SEMA6A: variants seen among roughly 807,000 people sequenced by gnomAD.
SEMA6A encodes the protein semaphorin 6A, also known as semaphorin-6A.
Under a neutral mutation model 96.8 loss-of-function variants are expected in SEMA6A, and 25 were observed. That is an observed-to-expected ratio of 0.26 (90% CI 0.19 to 0.36). SEMA6A has a LOEUF of 0.36. Ranked by LOEUF, SEMA6A falls within the 10% of genes least tolerant of loss-of-function variation. The pLI is 1.00. For synonymous variants in SEMA6A, 612 were observed against 518.0 expected (o/e 1.18, Z -2.46); for missense variants, 1,363 against 1,323.1 (o/e 1.03, Z -0.47).
intron 1 of SEMA6A, among the ~76,000 whole-genome samples, chr5:116,555,240 T>G (rs1760563832): frequency 6.6e-6 from 1 of 152,240 alleles, no homozygotes; most frequent in African/African-American, 2.4e-5. Context: ...AACTCTTGTT[T>G]GCTTGAGAGC....
chr5:116,503,085 C>G (rs1757967554), intron 2 of SEMA6A, among the ~76,000 whole-genome samples: 1 of 152,076 alleles, frequency 6.6e-6, no homozygotes, highest in Non-Finnish European at 1.5e-5. Flanking sequence ...GAGATCTGGC[C>G]TTTAAAAATA....
intron 18 of SEMA6A, among the ~76,000 whole-genome samples, chr5:116,452,473 T>G (rs1182457577): frequency 6.6e-6 from 1 of 150,794 alleles, no homozygotes; most frequent in Non-Finnish European, 1.5e-5. Context: ...GAGGGAGACC[T>G]CAGAGAGGAA....
chr5:116,506,167 C>T (rs1758136444), intron 1 of SEMA6A, among the ~76,000 whole-genome samples: 2 of 152,210 alleles, frequency 1.3e-5, no homozygotes, highest in African/African-American at 4.8e-5. Context: ...TTTGGAACAC[C>T]ATTTTGATTA....
At chr5:116,510,235 C>G (rs911777486) in intron 1 of SEMA6A, among the ~76,000 whole-genome samples, 2 of 152,080 alleles carry the variant, frequency 1.3e-5, no homozygotes, top group African/African-American at 4.8e-5. Flanking sequence ...ACCATGTAAT[C>G]TTATTTAGAC....
Position 116,502,332 on chromosome 5 carries a change from G to GA in SEMA6A, c.101-6dup. The GA allele has an allele frequency of 6.2e-7, 1 of 1,612,484 alleles. No homozygotes were observed. The highest frequency in any genetic ancestry group is 2.2e-5 in the East Asian group (1 of 44,866). ...ACACCGGATACTGTTTTGTATCTGT[G>GA]AAAAGAGGAGATGGGGCAAGAAAGG... On this transcript the variant is annotated splice_region_variant and splice_polypyrimidine_tract_variant and intron_variant, in intron 2 of 18. Transcript: ENST00000343348.
At chr5:116,473,158 A>G (rs528500493) in intron 16 of SEMA6A, 65 bp from the exon 17 acceptor site, 2 of 1,500,728 alleles carry the variant, frequency 1.3e-6, no homozygotes, top group East Asian at 2.4e-5. Context: ...CGACTTACAT[A>G]AGTGGGAATG....
intron 15 of SEMA6A, among the ~76,000 whole-genome samples, chr5:116,477,238 G>T (rs1374847555): frequency 6.6e-6 from 1 of 151,160 alleles, no homozygotes; most frequent in Non-Finnish European, 1.5e-5. Context: ...TTTAAAGCCA[G>T]GGTAACAATT....
chr5:116,449,275 A>T (rs796869966), intron 18 of SEMA6A: 1 of 702,200 alleles, frequency 1.4e-6, no homozygotes, highest in East Asian at 2.7e-5. Flanking sequence ...AAATGTAAAC[A>T]TTGTTCCTAT....
At chr5:116,461,395 A>C (rs1336660595) in intron 18 of SEMA6A, among the ~76,000 whole-genome samples, 1 of 152,096 alleles carries the variant, frequency 6.6e-6, no homozygotes, top group Non-Finnish European at 1.5e-5. Context: ...CTCTACTCTC[A>C]CATTTAAAAA....
At chr5:116,456,928 A>G (rs180697444) in intron 18 of SEMA6A, among the ~76,000 whole-genome samples, 1 of 152,348 alleles carries the variant, frequency 6.6e-6, no homozygotes, top group Non-Finnish European at 1.5e-5. Flanking sequence ...TGACTAGACG[A>G]GAGAAAAGAA....
At chr5:116,490,454 C>T (rs1007913029) in intron 7 of SEMA6A, among the ~76,000 whole-genome samples, 13 of 152,202 alleles carry the variant, frequency 8.5e-5, no homozygotes, top group Non-Finnish European at 1.8e-4. Context: ...AAGGCCCCAA[C>T]TAATGCAGGT....
chr5:116,535,303 G>C (rs935762602), intron 1 of SEMA6A, among the ~76,000 whole-genome samples: 1 of 152,202 alleles, frequency 6.6e-6, no homozygotes, highest in Non-Finnish European at 1.5e-5. Context: ...GTAGAAAGTG[G>C]GATGCAGAAC....
chr5:116,473,136 C>T (rs1448076139), intron 16 of SEMA6A, 43 bp from the exon 17 acceptor site: 10 of 1,573,028 alleles, frequency 6.4e-6, no homozygotes, highest in African/African-American at 1.4e-5. Context: ...ATGTTTTACG[C>T]TCTGCTTGGG....
At chr5:116,540,023 G>T (rs112542038) in intron 1 of SEMA6A, among the ~76,000 whole-genome samples, 1 of 152,000 alleles carries the variant, frequency 6.6e-6, no homozygotes, top group South Asian at 2.1e-4. Flanking sequence ...TCCTTTCATT[G>T]CAAGTTCTTT....
chr5:116,491,809 C>G lies in SEMA6A; in HGVS notation c.466G>C (p.Gly156Arg), dbSNP rs1357429214. 2 of 1,612,964 alleles carry G rather than the reference C, an allele frequency of 1.2e-6. No individual in the cohort carries two copies. The highest frequency in any genetic ancestry group is 1.3e-5 in the African/African-American group (1 of 74,868). ...CTGGCCATTCCGCTGAATTCATCCC[C>G]GAATGGTTCCAATGTATCCATCTAA... ...NYKMDTLEPF[G>R]DEFSGMARCP... is the part of the protein sequence containing the mutation. Residue 156 changes from glycine (G) to arginine (R), a missense_variant, in exon 7 of 19, where the codon GGG (glycine) becomes CGG (arginine). Transcript: ENST00000343348.
chr5:116,484,857 G>A (rs1435464700), intron 10 of SEMA6A, among the ~76,000 whole-genome samples: 2 of 152,170 alleles, frequency 1.3e-5, no homozygotes, highest in Non-Finnish European at 1.5e-5. Context: ...TCTTTGCTCC[G>A]ATCAGCCCAT....
At chr5:116,536,225 CCTT>C (rs1032569161) in intron 1 of SEMA6A, 1 of 152,038 alleles carries the variant, frequency 6.6e-6, no homozygotes, top group Non-Finnish European at 1.5e-5. Context: ...ATTGGATTAG[CCTT>C]CTGGTATTAT....
intron 1 of SEMA6A, among the ~76,000 whole-genome samples, chr5:116,519,640 A>G (rs1580466838): frequency 6.6e-6 from 1 of 151,584 alleles, no homozygotes; most frequent in African/African-American, 2.4e-5. Context: ...GACTATACAT[A>G]AGTGGCTATA....
intron 1 of SEMA6A, among the ~76,000 whole-genome samples, chr5:116,519,697 A>ACG (rs1407139722): frequency 6.6e-6 from 1 of 150,996 alleles, no homozygotes; most frequent in Non-Finnish European, 1.5e-5. Context: ...ACACACGCAC[A>ACG]CACATACATT....
Sources: gnomAD v4.1 joint callset for allele counts (sites outside exome capture counted in the v4.1 genomes callset) on GRCh38, gnomAD v4.1.1 for gene constraint, MANE v1.5 for transcripts, NCBI Gene and HGNC (gene_info 2026-07-23, HGNC 2026-07-21) for gene names.